Variants in CSNK1E observed in about 807,000 individuals in gnomAD.
CSNK1E encodes the protein casein kinase 1 epsilon, also known as casein kinase I isoform epsilon.
In CSNK1E, 17 loss-of-function variants were observed where a neutral mutation model predicts 46.1. That is an observed-to-expected ratio of 0.37 (90% CI 0.25 to 0.55). The LOEUF (loss-of-function observed/expected upper bound fraction) is 0.55. Among genes scored for constraint, CSNK1E ranks in the 20% least tolerant of loss-of-function variants. CSNK1E has a pLI of 0.82. For missense variants in CSNK1E, 386 were observed against 595.4 expected (o/e 0.65, Z 3.66); for synonymous variants, 241 against 242.6 (o/e 0.99, Z 0.06).
rs769681677 is a variant in CSNK1E, at chr22:38,298,973, G to A, written c.737-39C>T. The A allele has an allele frequency of 1.2e-6, 2 of 1,612,276 alleles. No homozygotes were observed. The highest frequency in any genetic ancestry group is 8.5e-7 in the Non-Finnish European group (1 of 1,178,600). The stretch of plus-strand genomic sequence containing the variant: ...CAGAGGATAGAGAAGGCCACTGTGA[G>A]GCCCACGCTCCCAGACCCCCTGCAG... On this transcript the variant is annotated intron_variant, in intron 6 of 10. Coordinates refer to ENST00000396832, the MANE Select transcript of CSNK1E (RefSeq NM_152221.3). This position sits in a 1 kb window ranked among gnomAD's most constrained non-coding sequence, Gnocchi z 4.2.
chr22:38,315,225 G>A (rs2092739043), intron 1 of CSNK1E, among the ~76,000 whole-genome samples: 1 of 152,260 alleles, frequency 6.6e-6, no homozygotes, highest in African/African-American at 2.4e-5. Flanking sequence ...GAAGACTGCA[G>A]AGCAGCTGTG....
In CSNK1E at chr22:38,309,846, C is replaced by G. The variant is rs1431933947; in HGVS notation, c.76+4236G>C. Reference sequence around the variant, plus strand: ...AACTTCCCAGGGACAGGGACCCAAGCTGCTAGGCAAAGCCTCTGACCCCCG... The same window carrying G: ...AACTTCCCAGGGACAGGGACCCAAGGTGCTAGGCAAAGCCTCTGACCCCCG... On this transcript the variant is annotated intron_variant, in intron 2 of 10. Transcript: ENST00000396832. This position sits in a 1 kb window ranked among gnomAD's most constrained non-coding sequence, Gnocchi z 4.8. Among the ~76,000 whole-genome samples the G allele has an allele frequency of 6.6e-6, 1 of 152,202 alleles. No individual in the cohort carries two copies. The highest frequency in any genetic ancestry group is 1.9e-4 in the East Asian group (1 of 5,194).
chr22:38,309,617 G>A lies in CSNK1E; in HGVS notation c.76+4465C>T, dbSNP rs777622873. On this transcript the variant is annotated intron_variant, in intron 2 of 10. Coordinates refer to ENST00000396832, the MANE Select transcript of CSNK1E (RefSeq NM_152221.3). The surrounding 1 kb of genome is among the most constrained non-coding windows in gnomAD (Gnocchi z 4.8). ...TTACAAGCAGACACCACCACGCCTG[G>A]CTAATTTTTGTATTATTAGTAGAGA... 6.6e-6 allele frequency among the ~76,000 whole-genome samples: 1 copy of A among 152,156 alleles called. No individual in the cohort carries two copies. Among genetic ancestry groups the A allele is most frequent in the East Asian group, 1.9e-4 (1 of 5,176 alleles).
rs753150283 is a variant in CSNK1E at position 38,298,948 on chromosome 22, C to T, written c.737-14G>A. The T allele has an allele frequency of 6.2e-7, 1 of 1,614,016 alleles. No homozygotes were observed. The highest frequency in any genetic ancestry group is 8.5e-7 in the Non-Finnish European group (1 of 1,179,960). On this transcript the variant is annotated splice_polypyrimidine_tract_variant and intron_variant, in intron 6 of 10. Transcript: ENST00000396832. This position sits in a 1 kb window ranked among gnomAD's most constrained non-coding sequence, Gnocchi z 4.2. The stretch of plus-strand genomic sequence containing the variant: ...TTGAGAATTCGGCTGGAGGGTGTTG[C>T]AGAGGATAGAGAAGGCCACTGTGAG...
intron 4 of CSNK1E, among the ~76,000 whole-genome samples, chr22:38,301,685 C>T (rs753209924): frequency 6.6e-6 from 1 of 152,152 alleles, no homozygotes; most frequent in Non-Finnish European, 1.5e-5. Flanking sequence ...CCGCCTGCCT[C>T]GGCCTCCCAA....
chr22:38,296,597 T>C (rs2145830296), intron 7 of CSNK1E: 1 of 1,612,878 alleles, frequency 6.2e-7, no homozygotes, highest in East Asian at 2.2e-5. Flanking sequence ...TGGGTGCCTC[T>C]GCCCAGCTTC....
chr22:38,294,070 G>C lies in CSNK1E; in HGVS notation c.1218+39C>G. The C allele has an allele frequency of 6.3e-7, 1 of 1,597,130 alleles. No homozygotes were observed. On this transcript the variant is annotated intron_variant, in intron 9 of 10. Transcript: ENST00000396832. This position sits in a 1 kb window ranked among gnomAD's most constrained non-coding sequence, Gnocchi z 5.5. ...CTCCCACTGGGGGGTCTCTAACTCA[G>C]TTCTGAGGCCCAGAGGGACTGGCAG...
chr22:38,293,767 A>G, intron 9 of CSNK1E: 1 of 402,766 alleles, frequency 2.5e-6, no homozygotes, highest in Non-Finnish European at 4.5e-6. Context: ...CAATGCTCAC[A>G]GGGGCTCCTG....
intron 4 of CSNK1E, among the ~76,000 whole-genome samples, chr22:38,301,926 A>C (rs1335311699): frequency 3.3e-5 from 5 of 152,158 alleles, no homozygotes; most frequent in African/African-American, 1.2e-4. Flanking sequence ...CCCCTGTACG[A>C]GATCTCCACA....
intron 2 of CSNK1E, among the ~76,000 whole-genome samples, chr22:38,306,111 G>A (rs1463249016): frequency 6.6e-6 from 1 of 152,174 alleles, no homozygotes; most frequent in Non-Finnish European, 1.5e-5. Context: ...AGATCTCCAA[G>A]ATACAGGAAG....
Position 38,298,671 on chromosome 22 carries a change from G to GTGTGTT in CSNK1E, c.885+114_885+115insAACACA. On this transcript the variant is annotated intron_variant, in intron 7 of 10. Coordinates refer to ENST00000396832, the MANE Select transcript of CSNK1E (RefSeq NM_152221.3). This position sits in a 1 kb window ranked among gnomAD's most constrained non-coding sequence, Gnocchi z 4.2. ...CCAGTGAGGTCAACCACACTGTCCAGCTCGTACCTCCCGTCTGTCGGGAGC... is the reference window on the plus strand; with the variant it reads ...CCAGTGAGGTCAACCACACTGTCCAGTGTGTTCTCGTACCTCCCGTCTGTCGGGAGC... 8.0e-7 allele frequency: 1 copy of GTGTGTT among 1,243,166 alleles called. No individual in the cohort carries two copies. Among genetic ancestry groups the GTGTGTT allele is most frequent in the Non-Finnish European group, 1.2e-6 (1 of 868,728 alleles). The allele number at this position is 1,243,166 out of a possible 1,614,324, so 77.0% of individuals were successfully genotyped here.
At position 38,298,066 on chromosome 22, in the gene CSNK1E, G is replaced by GA; in HGVS notation, c.885+719dup. 8.6e-7 allele frequency: 1 copy of GA among 1,165,010 alleles called. No homozygotes were observed. The highest frequency in any genetic ancestry group is 1.1e-6 in the Non-Finnish European group (1 of 919,066). 72.2% of individuals were successfully genotyped at this position (1,165,010 alleles called of 1,614,324 possible). A position where few individuals can be genotyped will look rare whatever the true frequency, so the allele number is the denominator to read the frequency against. On this transcript the variant is annotated intron_variant, in intron 7 of 10. Coordinates refer to ENST00000396832, the MANE Select transcript of CSNK1E (RefSeq NM_152221.3). This position sits in a 1 kb window ranked among gnomAD's most constrained non-coding sequence, Gnocchi z 4.2. Reference sequence around the variant, plus strand: ...CTCACTGGTCAAGTGGCAAATTTTGGAAAAGCCAGACCTCAGAGGATCCTT... The same window carrying GA: ...CTCACTGGTCAAGTGGCAAATTTTGGAAAAAGCCAGACCTCAGAGGATCCTT...
Position 38,294,022 on chromosome 22 carries a change from G to A in CSNK1E, c.1218+87C>T. On this transcript the variant is annotated intron_variant, in intron 9 of 10. Transcript: ENST00000396832. The surrounding 1 kb of genome is among the most constrained non-coding windows in gnomAD (Gnocchi z 5.5). Reference sequence around the variant, plus strand: ...AAGGCAAGCAGCGTCGATGGAAAGGGAAGAACAGAGCCACGGCCTGACCTC... The same window carrying A: ...AAGGCAAGCAGCGTCGATGGAAAGGAAAGAACAGAGCCACGGCCTGACCTC... 2.0e-6 allele frequency: 3 copies of A among 1,475,402 alleles called. No individual in the cohort carries two copies. Among genetic ancestry groups the A allele is most frequent in the Non-Finnish European group, 2.7e-6 (3 of 1,094,760 alleles). The allele number at this position is 1,475,402 out of a possible 1,614,324, so 91.4% of individuals were successfully genotyped here.
At chr22:38,299,797 C>T (rs768107880) in intron 6 of CSNK1E, 98 bp downstream of exon 6, 22 of 1,412,198 alleles carry the variant, frequency 1.6e-5, no homozygotes, top group Admixed American at 6.0e-5. Context: ...CGTGAACCAC[C>T]GCGCCTAGCC....
intron 7 of CSNK1E, chr22:38,296,470 G>T (rs2092641227): frequency 1.3e-6 from 2 of 1,543,626 alleles, no homozygotes; most frequent in East Asian, 2.3e-5. Context: ...CCTGGCCTCA[G>T]GGTGAAGGTT....
In CSNK1E at chr22:38,294,467, C is replaced by T. The variant is rs1386113064; in HGVS notation, c.953G>A (p.Gly318Glu). ...TCGGGTCGCGGACCCCCGTAGCTGC[C>T]CCATCCTCTCCTCGCGTTCGTGTTC... The part of the protein sequence containing the change: ...RREHEREERM[G>E]QLRGSATRAL... The change falls in exon 8 of 11, where the codon GGG becomes GAG. Residue 318 changes from glycine (G) to glutamate (E), a missense_variant. By Grantham distance (98) the Gly-to-Glu change is moderately conservative. Coordinates refer to ENST00000396832, the MANE Select transcript of CSNK1E (RefSeq NM_152221.3). The surrounding 1 kb of genome is among the most constrained non-coding windows in gnomAD (Gnocchi z 5.5). 20 of 1,590,874 alleles carry T rather than the reference C, an allele frequency of 1.3e-5. No homozygotes were observed. The highest frequency in any genetic ancestry group is 1.7e-5 in the Non-Finnish European group (20 of 1,170,088).
intron 9 of CSNK1E, among the ~76,000 whole-genome samples, chr22:38,293,536 C>A (rs115545508): frequency 6.6e-6 from 1 of 151,430 alleles, no homozygotes; most frequent in African/African-American, 2.4e-5. Flanking sequence ...AAGAATGTTG[C>A]CCAGGGAGGC....
At chr22:38,315,589 C>T (rs532256198) in intron 1 of CSNK1E, among the ~76,000 whole-genome samples, 43 of 151,876 alleles carry the variant, frequency 2.8e-4, no homozygotes, top group Admixed American at 5.2e-4. Context: ...TACACTCCAA[C>T]GGAAGAAAGA....
rs907971364 is a variant in CSNK1E, at chr22:38,300,989, C to T, written c.337-37G>A. On this transcript the variant is annotated intron_variant, in intron 4 of 10. Coordinates refer to ENST00000396832, the MANE Select transcript of CSNK1E (RefSeq NM_152221.3). The surrounding 1 kb of genome is among the most constrained non-coding windows in gnomAD (Gnocchi z 4.4). ...GGGGGCCATTTGTTCAACAGAGGGG[C>T]CCTTGCCTAGCACTCTGGGCCAGGC... The T allele has an allele frequency of 1.3e-6, 2 of 1,579,616 alleles. No individual in the cohort carries two copies. Among genetic ancestry groups the T allele is most frequent in the African/African-American group, 1.3e-5 (1 of 74,352 alleles).
Sources: allele counts gnomAD v4.1 joint callset (sites outside exome capture counted in the v4.1 genomes callset), GRCh38; gene constraint gnomAD v4.1.1; non-coding constraint Gnocchi (gnomAD v3.1); transcripts MANE v1.5; gene names NCBI Gene and HGNC (gene_info 2026-07-23, HGNC 2026-07-21).